Variants in SLC6A15 observed in about 807,000 individuals in gnomAD.
SLC6A15 encodes the protein solute carrier family 6 member 15.
A neutral mutation model predicts 68.5 loss-of-function variants in SLC6A15; 33 were observed. The ratio of observed to expected loss-of-function variants is 0.48; its 90% CI spans 0.37 to 0.64. The LOEUF is 0.64. SLC6A15 is among the 30% of genes least tolerant of loss of function. The pLI, the probability that SLC6A15 is intolerant of heterozygous loss-of-function variation, is 0.00. For missense variants in SLC6A15, 747 were observed against 874.3 expected, an observed-to-expected ratio of 0.85 and a Z score of 1.84; for synonymous variants, 347 against 301.0, an observed-to-expected ratio of 1.15 and a Z score of -1.58.
intron 8 of SLC6A15, 27 bp downstream of exon 8, chr12:84,872,575 T>C: frequency 6.3e-7 from 1 of 1,576,158 alleles, no homozygotes. Context: ...TGATAATTAT[T>C]TTATTGCTCA....
Position 84,873,209 on chromosome 12 carries a change from G to A in SLC6A15, c.987C>T (p.Asn329=). ...ACACCAGGACAGCATCAAAGTGGCA[G>A]TTGTTGTCTCTCTTGTTGTAGCTTG... ...AFSSYNKRDN[N]CHFDAVLVSF... is the part of the protein sequence containing the mutation. The change falls in exon 7 of 12, where the codon AAC becomes AAT. Residue 329 remains asparagine, a synonymous_variant. Transcript: ENST00000266682. 1.2e-6 allele frequency: 2 copies of A among 1,614,130 alleles called. No homozygotes were observed. Among genetic ancestry groups the A allele is most frequent in the Admixed American group, 1.7e-5 (1 of 60,016 alleles).
chr12:84,877,242 G>A (rs969924264), intron 5 of SLC6A15, among the ~76,000 whole-genome samples: 1 of 152,080 alleles, frequency 6.6e-6, no homozygotes, highest in East Asian at 1.9e-4. Flanking sequence ...CAGGTCCAGA[G>A]GGAAACTTCT....
At chr12:84,899,691 C>G (rs1457516216) in intron 1 of SLC6A15, among the ~76,000 whole-genome samples, 1 of 152,222 alleles carries the variant, frequency 6.6e-6, no homozygotes, top group East Asian at 1.9e-4. Context: ...TATTTCCATT[C>G]ATCTATCTAT....
chr12:84,867,891 A>G (rs1430709651), intron 9 of SLC6A15: 1 of 152,212 alleles, frequency 6.6e-6, no homozygotes. Context: ...TAAATTTCTG[A>G]CCAGCTACTA....
At chr12:84,883,562 A>C in intron 5 of SLC6A15, 1 of 1,376,670 alleles carries the variant, frequency 7.3e-7, no homozygotes, top group Non-Finnish European at 9.4e-7. Flanking sequence ...AAACATTAGG[A>C]CTAATTGAAT....
In SLC6A15 at chr12:84,861,415, C is replaced by A; in HGVS notation, c.*217G>T. On this transcript the variant is annotated 3_prime_UTR_variant, in exon 12 of 12. Transcript: ENST00000266682. ...ATCCTGGCAAACATGTACCTCAGCC[C>A]TCCTAAGATTTGTCTGCAATCCTTT... is the stretch of plus-strand genomic sequence containing the variant. 2.2e-6 allele frequency: 1 copy of A among 447,694 alleles called. No homozygotes were observed. The highest frequency in any genetic ancestry group is 3.8e-6 in the Non-Finnish European group (1 of 260,362). The allele number at this position is 447,694 out of a possible 1,614,324, so 27.7% of individuals were successfully genotyped here.
At chr12:84,900,531 C>T (rs1011141837) in intron 1 of SLC6A15, among the ~76,000 whole-genome samples, 1 of 151,222 alleles carries the variant, frequency 6.6e-6, no homozygotes, top group African/African-American at 2.4e-5. Flanking sequence ...ATTTATGTCT[C>T]GGTGTTATTT....
At chr12:84,882,919 ATTATTG>A (rs912887104) in intron 5 of SLC6A15, 1 of 695,008 alleles carries the variant, frequency 1.4e-6, no homozygotes, top group African/African-American at 2.0e-5. Context: ...ATCATTTATT[ATTATTG>A]TTATTATGAC....
Position 84,861,674 on chromosome 12 carries a change from C to T in SLC6A15, c.2151G>A (p.Leu717=). Reference sequence around the variant, plus strand: ...GCATATCTGGCATAATATCTGCCATCAAGTACCCTATTCCATACCGTCCAT... The same window carrying T: ...GCATATCTGGCATAATATCTGCCATTAAGTACCCTATTCCATACCGTCCAT... ...APNGRYGIGY[L]MADIMPDMPE... Residue 717 remains leucine, a synonymous_variant, in exon 12 of 12, where the codon TTG becomes TTA. Coordinates refer to ENST00000266682, the MANE Select transcript of SLC6A15 (RefSeq NM_182767.6). The T allele has an allele frequency of 1.2e-6, 2 of 1,610,006 alleles. No individual in the cohort carries two copies. Among genetic ancestry groups the T allele is most frequent in the South Asian group, 1.1e-5 (1 of 90,908 alleles).
chr12:84,872,829 A>T (rs772298842), intron 7 of SLC6A15, 35 bp from the exon 8 acceptor site: 2 of 1,529,876 alleles, frequency 1.3e-6, no homozygotes, highest in Non-Finnish European at 1.8e-6. Context: ...TGAGCACATA[A>T]GAGTTCTTTG....
At chr12:84,869,130 G>A (rs767424868) in intron 9 of SLC6A15, among the ~76,000 whole-genome samples, 30 of 152,058 alleles carry the variant, frequency 2.0e-4, no homozygotes, top group Middle Eastern at 3.2e-3. Flanking sequence ...ATATATTTGA[G>A]ACTTATTTAG....
intron 5 of SLC6A15, chr12:84,881,840 T>A (rs1022626760): frequency 7.9e-5 from 78 of 984,444 alleles, no homozygotes; most frequent in Non-Finnish European, 9.2e-5. Flanking sequence ...ACTCATTGTT[T>A]CAGATTGAGG....
chr12:84,876,723 A>C, intron 5 of SLC6A15, 116 bp from the exon 6 acceptor site: 1 of 523,712 alleles, frequency 1.9e-6, no homozygotes, highest in Non-Finnish European at 3.4e-6. Context: ...AGGATTAATA[A>C]AACTATTAAT....
intron 8 of SLC6A15, among the ~76,000 whole-genome samples, chr12:84,872,126 C>T (rs573714473): frequency 2.7e-4 from 41 of 149,300 alleles, no homozygotes; most frequent in East Asian, 9.8e-4. Flanking sequence ...CACTGCACCC[C>T]GGCCTGGGCG....
chr12:84,911,787 C>T (rs1873477435), intron 1 of SLC6A15, among the ~76,000 whole-genome samples: 1 of 152,124 alleles, frequency 6.6e-6, no homozygotes, highest in South Asian at 2.1e-4. Context: ...CTAACTGCTT[C>T]CCATCTTCTT....
rs1476181881 is a variant in SLC6A15 at position 84,869,379 on chromosome 12, G to A, written c.1495+1099C>T. Among the ~76,000 whole-genome samples the A allele has an allele frequency of 2.0e-5, 3 of 149,620 alleles. No individual in the cohort carries two copies. The East Asian group carries it at 6.0e-4, about 30-fold the overall frequency. ...CGGGAGGCTGAGGCAGGAGAATGGCGTGAACCCGGGAGGCGGAGCTTGCAG... is the reference window on the plus strand; with the variant it reads ...CGGGAGGCTGAGGCAGGAGAATGGCATGAACCCGGGAGGCGGAGCTTGCAG... On this transcript the variant is annotated intron_variant, in intron 9 of 11. Transcript: ENST00000266682.
At chr12:84,887,257 T>C (rs2120653003) in intron 2 of SLC6A15, among the ~76,000 whole-genome samples, 1 of 152,354 alleles carries the variant, frequency 6.6e-6, no homozygotes. Flanking sequence ...TTCCTACATA[T>C]TTATCATATG....
At chr12:84,873,962 T>C (rs1871404107) in intron 6 of SLC6A15, among the ~76,000 whole-genome samples, 1 of 152,204 alleles carries the variant, frequency 6.6e-6, no homozygotes, top group African/African-American at 2.4e-5. Flanking sequence ...ATTGAACAGA[T>C]ATTTCATGTA....
chr12:84,869,111 G>A (rs1470959434), intron 9 of SLC6A15, among the ~76,000 whole-genome samples: 1 of 152,180 alleles, frequency 6.6e-6, no homozygotes, highest in Non-Finnish European at 1.5e-5. Context: ...AGCAGCAAAT[G>A]ATAAAGGTAT....
Sources: gnomAD v4.1 joint callset for allele counts (sites outside exome capture counted in the v4.1 genomes callset) on GRCh38, gnomAD v4.1.1 for gene constraint, MANE v1.5 for transcripts, NCBI Gene and HGNC (gene_info 2026-07-23, HGNC 2026-07-21) for gene names.